Variants in KSR2 observed in about 807,000 individuals in gnomAD.
The protein encoded by KSR2 is kinase suppressor of ras 2.
KSR2 carries 25 observed loss-of-function variants against 107.8 expected under a neutral mutation model. The ratio of observed to expected loss-of-function variants is 0.23; its 90% CI spans 0.17 to 0.32. KSR2 has a LOEUF of 0.32. KSR2 is among the 10% of genes least tolerant of loss of function. The probability of loss-of-function intolerance (pLI) is 1.00; values close to 1 mark genes in which losing one functional copy is unlikely to be tolerated. For synonymous variants in KSR2, 480 were observed against 507.0 expected (o/e 0.95, Z 0.71); for missense variants, 887 against 1,268.9 (o/e 0.70, Z 4.57).
chr12:117,470,724 G>A (rs1871396937), intron 18 of KSR2, among the ~76,000 whole-genome samples: 1 of 152,190 alleles, frequency 6.6e-6, no homozygotes, highest in Non-Finnish European at 1.5e-5. Flanking sequence ...CTGATCAAAA[G>A]AGAGGATTCT....
In KSR2 at chr12:117,501,514, G is replaced by T. The variant is rs572569420; in HGVS notation, c.2220-15823C>A. Among the ~76,000 whole-genome samples, 2 of 152,290 alleles carry T rather than the reference G, an allele frequency of 1.3e-5. 1 individual carries two copies. The highest frequency in any genetic ancestry group is 4.1e-4 in the South Asian group (2 of 4,832). ...CAACCATTTGTGCCTCTATGCATGT[G>T]CTGAGCTAACACTTCCAGAGCCCTG... On this transcript the variant is annotated intron_variant, in intron 14 of 19. Transcript: ENST00000339824.
At chr12:117,949,328 C>A (rs796666816) in intron 1 of KSR2, among the ~76,000 whole-genome samples, 9 of 151,230 alleles carry the variant, frequency 6.0e-5, no homozygotes, top group African/African-American at 2.2e-4. Context: ...AGAAAATCTT[C>A]GGAATGGGAG....
At chr12:117,727,403 G>C (rs536162859) in intron 4 of KSR2, among the ~76,000 whole-genome samples, 1 of 151,300 alleles carries the variant, frequency 6.6e-6, no homozygotes, top group Non-Finnish European at 1.5e-5. Flanking sequence ...AGCAGAAAAA[G>C]AAGAAAGAAG....
chr12:117,917,711 G>A (rs1476913415), intron 1 of KSR2, among the ~76,000 whole-genome samples: 1 of 152,044 alleles, frequency 6.6e-6, no homozygotes, highest in African/African-American at 2.4e-5. Flanking sequence ...ACCCACGGAT[G>A]AATATATTTA....
intron 3 of KSR2, among the ~76,000 whole-genome samples, chr12:117,773,762 G>T (rs573370149): frequency 1.3e-5 from 2 of 152,270 alleles, no homozygotes; most frequent in Non-Finnish European, 2.9e-5. Context: ...TAACTTTCTG[G>T]CAAGAGACAA....
chr12:117,881,907 AC>A (rs1197485387), intron 1 of KSR2, among the ~76,000 whole-genome samples: 45 of 152,194 alleles, frequency 3.0e-4, no homozygotes, highest in Admixed American at 2.9e-3. Flanking sequence ...AGAACAGAAG[AC>A]TGAATGGTTT....
At chr12:117,832,246 T>TG (rs1399348374) in intron 3 of KSR2, among the ~76,000 whole-genome samples, 4 of 152,134 alleles carry the variant, frequency 2.6e-5, no homozygotes, top group African/African-American at 9.7e-5. Context: ...ATCATGCCAT[T>TG]GCACTCCAGC....
chr12:117,958,159 C>A (rs1044293081), intron 1 of KSR2, among the ~76,000 whole-genome samples: 6 of 152,110 alleles, frequency 3.9e-5, no homozygotes, highest in South Asian at 2.1e-4. Flanking sequence ...TGCAGAAGAC[C>A]AAGTATTCCC....
At position 117,486,306 on chromosome 12, in the gene KSR2, G is replaced by GA. The variant is rs150480309; in HGVS notation, c.2220-616dup. Among the ~76,000 whole-genome samples, 475 of 152,276 alleles carry GA rather than the reference G, an allele frequency of 3.1e-3. 12 individuals are homozygous for GA. In the East Asian group the frequency reaches 0.078, roughly 25 times the overall value. ...ACCAGTAGTTTAAGATGAATGACAG[G>GA]ATGAAAAAGGACATTATGCACTGAA... is the stretch of plus-strand genomic sequence containing the variant. On this transcript the variant is annotated intron_variant, in intron 14 of 19. Transcript: ENST00000339824.
chr12:117,478,619 T>C (rs957236189), intron 16 of KSR2, among the ~76,000 whole-genome samples: 1 of 151,932 alleles, frequency 6.6e-6, no homozygotes, highest in African/African-American at 2.4e-5. Context: ...TTATTTTTTT[T>C]TAGAGATGTG....
chr12:117,490,798 G>C (rs1355588918), intron 14 of KSR2, among the ~76,000 whole-genome samples: 8 of 152,284 alleles, frequency 5.3e-5, no homozygotes, highest in South Asian at 4.1e-4. Context: ...GGGTTAAGTA[G>C]AGCGGGGATG....
intron 1 of KSR2, among the ~76,000 whole-genome samples, chr12:117,910,800 C>T (rs2137426904): frequency 6.6e-6 from 1 of 152,236 alleles, no homozygotes; most frequent in African/African-American, 2.4e-5. Flanking sequence ...TAGCATGTGG[C>T]ACACTATAGC....
chr12:117,470,929 T>C (rs1436912273), intron 18 of KSR2, among the ~76,000 whole-genome samples: 1 of 152,242 alleles, frequency 6.6e-6, no homozygotes, highest in Admixed American at 6.5e-5. Context: ...ATATTGGTTC[T>C]ACCTAACTCA....
chr12:117,622,519 T>C (rs978536100), intron 5 of KSR2, among the ~76,000 whole-genome samples: 3 of 152,122 alleles, frequency 2.0e-5, no homozygotes, highest in Non-Finnish European at 4.4e-5. Flanking sequence ...GTTTTTTTTT[T>C]CCTGTCCCTG....
chr12:117,747,662 A>G (rs972473505), intron 4 of KSR2, among the ~76,000 whole-genome samples: 1 of 152,228 alleles, frequency 6.6e-6, no homozygotes, highest in African/African-American at 2.4e-5. Context: ...GACATTTCTC[A>G]AAAGAAAACA....
At chr12:117,878,336 C>T (rs1336124810) in intron 1 of KSR2, among the ~76,000 whole-genome samples, 1 of 152,220 alleles carries the variant, frequency 6.6e-6, no homozygotes, top group Admixed American at 6.5e-5. Flanking sequence ...ATAACACACA[C>T]ACTACCTGCC....
chr12:117,725,064 C>CCTCTCT (rs5801250), intron 4 of KSR2, among the ~76,000 whole-genome samples: 2 of 142,708 alleles, frequency 1.4e-5, no homozygotes, highest in Non-Finnish European at 3.1e-5. Context: ...GGCTTAATTC[C>CCTCTCT]CTCTCTCTCT....
chr12:117,834,821 T>C (rs1327828300), intron 3 of KSR2, among the ~76,000 whole-genome samples: 1 of 152,160 alleles, frequency 6.6e-6, no homozygotes, highest in Non-Finnish European at 1.5e-5. Context: ...ACAGAAACAG[T>C]ATTGCAGGCA....
intron 1 of KSR2, among the ~76,000 whole-genome samples, chr12:117,902,067 G>A (rs759828659): frequency 3.1e-4 from 47 of 152,190 alleles, no homozygotes; most frequent in Non-Finnish European, 6.5e-4. Context: ...CATAAATCCT[G>A]AATGGCCAAT....
Sources: gnomAD v4.1 joint callset for allele counts (sites outside exome capture counted in the v4.1 genomes callset) on GRCh38, gnomAD v4.1.1 for gene constraint, MANE v1.5 for transcripts, NCBI Gene and HGNC (gene_info 2026-07-23, HGNC 2026-07-21) for gene names.